The following MAGI2 variants were observed in gnomAD, a reference collection of about 807,000 sequenced individuals.
MAGI2 encodes membrane-associated guanylate kinase, WW and PDZ domain-containing protein 2.
Under a neutral mutation model 133.3 loss-of-function variants are expected in MAGI2, and 35 were observed. The ratio of observed to expected loss-of-function variants is 0.26; its 90% CI spans 0.20 to 0.35. The LOEUF (loss-of-function observed/expected upper bound fraction) is 0.35, where lower values mean the gene tolerates loss of function less well. Ranked by LOEUF, MAGI2 falls within the 10% of genes least tolerant of loss-of-function variation. The pLI is 1.00. For synonymous variants in MAGI2, 729 were observed against 710.6 expected, an observed-to-expected ratio of 1.03 and a Z score of -0.41; for missense variants, 1,636 against 1,863.4, an observed-to-expected ratio of 0.88 and a Z score of 2.25.
intron 1 of MAGI2, among the ~76,000 whole-genome samples, chr7:79,420,352 A>T (rs984260353): frequency 2.0e-5 from 3 of 152,002 alleles, no homozygotes; most frequent in South Asian, 4.1e-4. Flanking sequence ...GCCTGTTACA[A>T]AACTTAGAAA....
chr7:78,454,270 C>CTT (rs1046097519), intron 6 of MAGI2, among the ~76,000 whole-genome samples: 4 of 152,146 alleles, frequency 2.6e-5, no homozygotes, highest in African/African-American at 9.7e-5. Flanking sequence ...ATACATCGAG[C>CTT]TTATGATCCA....
intron 4 of MAGI2, among the ~76,000 whole-genome samples, chr7:78,514,910 G>C (rs78559238): frequency 6.6e-6 from 1 of 152,148 alleles, no homozygotes; most frequent in Non-Finnish European, 1.5e-5. Context: ...TTGCAGGCTT[G>C]GGGGCCTGGA....
At chr7:78,958,248 T>C (rs1226249114) in intron 2 of MAGI2, among the ~76,000 whole-genome samples, 1 of 152,104 alleles carries the variant, frequency 6.6e-6, no homozygotes, top group Non-Finnish European at 1.5e-5. Flanking sequence ...AAAATTATAG[T>C]AGCAGGCAGC....
At chr7:78,432,199 C>T (rs1799858344) in intron 6 of MAGI2, among the ~76,000 whole-genome samples, 1 of 149,190 alleles carries the variant, frequency 6.7e-6, no homozygotes, top group Non-Finnish European at 1.5e-5. Flanking sequence ...TAATCCAGTG[C>T]AGGCCTTACA....
At chr7:79,117,030 C>G (rs1465941729) in intron 1 of MAGI2, among the ~76,000 whole-genome samples, 1 of 152,150 alleles carries the variant, frequency 6.6e-6, no homozygotes, top group East Asian at 1.9e-4. Context: ...TAATGACTGT[C>G]TTGCAGTAAG....
intron 1 of MAGI2, among the ~76,000 whole-genome samples, chr7:79,096,109 G>A (rs900500529): frequency 1.1e-4 from 17 of 152,174 alleles, no homozygotes; most frequent in South Asian, 6.2e-4. Context: ...GCACTGTGCT[G>A]TAGGAGCCTG....
intron 1 of MAGI2, among the ~76,000 whole-genome samples, chr7:79,078,993 T>G (rs977211239): frequency 1.1e-4 from 16 of 152,272 alleles, no homozygotes; most frequent in African/African-American, 2.9e-4. Context: ...ATAAATACAT[T>G]TTTAATGCAC....
chr7:78,268,717 C>A (rs968657219), intron 9 of MAGI2, among the ~76,000 whole-genome samples: 3 of 152,170 alleles, frequency 2.0e-5, no homozygotes, highest in African/African-American at 4.8e-5. Context: ...TAAAATTAAT[C>A]ACTTCAAATT....
chr7:78,921,330 T>C (rs1799204875), intron 2 of MAGI2, among the ~76,000 whole-genome samples: 1 of 152,168 alleles, frequency 6.6e-6, no homozygotes, highest in African/African-American at 2.4e-5. Context: ...CTTCTTGACT[T>C]TATCATGCAT....
chr7:79,362,317 C>T (rs1028872947), intron 1 of MAGI2, among the ~76,000 whole-genome samples: 1 of 152,028 alleles, frequency 6.6e-6, no homozygotes, highest in African/African-American at 2.4e-5. Flanking sequence ...CTACCAAACT[C>T]AACCAAAATG....
chr7:78,821,279 T>A (rs1421345274), intron 2 of MAGI2, among the ~76,000 whole-genome samples: 1 of 152,076 alleles, frequency 6.6e-6, no homozygotes, highest in East Asian at 1.9e-4. Flanking sequence ...TGCCAGGCAC[T>A]GTTTTAGGCA....
chr7:78,068,527 T>C (rs1436961298), intron 21 of MAGI2, among the ~76,000 whole-genome samples: 1 of 151,728 alleles, frequency 6.6e-6, no homozygotes, highest in African/African-American at 2.4e-5. Flanking sequence ...TGTGCATGAA[T>C]GGGGGCAGGG....
intron 9 of MAGI2, among the ~76,000 whole-genome samples, chr7:78,275,304 G>A (rs988115105): frequency 4.6e-5 from 7 of 152,160 alleles, no homozygotes; most frequent in African/African-American, 1.7e-4. Context: ...CCAGTGAGAT[G>A]AACCAGGTAC....
At chr7:79,433,477 C>T (rs1847922878) in intron 1 of MAGI2, among the ~76,000 whole-genome samples, 1 of 151,556 alleles carries the variant, frequency 6.6e-6, no homozygotes, top group Admixed American at 6.6e-5. Context: ...GGCGTGCACC[C>T]GGGAGGCGGA....
At chr7:79,441,010 T>C (rs535898214) in intron 1 of MAGI2, among the ~76,000 whole-genome samples, 87 of 152,348 alleles carry the variant, frequency 5.7e-4, no homozygotes, top group African/African-American at 2.0e-3. Context: ...AACTAAGACA[T>C]TTCTCAGAAA....
intron 2 of MAGI2, among the ~76,000 whole-genome samples, chr7:78,747,084 G>A (rs1822993353): frequency 6.6e-6 from 1 of 152,106 alleles, no homozygotes; most frequent in Admixed American, 6.6e-5. Flanking sequence ...CCAGGTCAGC[G>A]CCAGGTTGAT....
chr7:78,920,806 A>T (rs1799167923), intron 2 of MAGI2, among the ~76,000 whole-genome samples: 1 of 152,180 alleles, frequency 6.6e-6, no homozygotes, highest in Non-Finnish European at 1.5e-5. Flanking sequence ...ATGCAGGACG[A>T]ACCACACCTG....
At chr7:79,001,761 T>C (rs570774820) in intron 2 of MAGI2, among the ~76,000 whole-genome samples, 1 of 152,296 alleles carries the variant, frequency 6.6e-6, no homozygotes, top group East Asian at 1.9e-4. Flanking sequence ...CTTTCATATA[T>C]TTTCGAATCC....
chr7:78,994,212 C>T (rs1287982621), intron 2 of MAGI2, among the ~76,000 whole-genome samples: 1 of 152,186 alleles, frequency 6.6e-6, no homozygotes, highest in East Asian at 1.9e-4. Context: ...AGATGGGAGA[C>T]TGTTGCTTTT....
Sources: gnomAD v4.1 joint callset for allele counts (sites outside exome capture counted in the v4.1 genomes callset) on GRCh38, gnomAD v4.1.1 for gene constraint, MANE v1.5 for transcripts, NCBI Gene and HGNC (gene_info 2026-07-23, HGNC 2026-07-21) for gene names.